MINDY4: variants seen among roughly 807,000 people sequenced by gnomAD.
MINDY4 encodes probable ubiquitin carboxyl-terminal hydrolase MINDY-4.
Under a neutral mutation model 87.0 loss-of-function variants are expected in MINDY4, and 68 were observed. The observed-to-expected ratio is 0.78, with a 90% CI of 0.64 to 0.96. The LOEUF (loss-of-function observed/expected upper bound fraction) is 0.96. Ranked by LOEUF, MINDY4 falls within the 40% of genes least tolerant of loss-of-function variation. The probability of loss-of-function intolerance (pLI) is 0.00; values close to 1 mark genes in which losing one functional copy is unlikely to be tolerated. For synonymous variants in MINDY4, 379 were observed against 363.2 expected, an observed-to-expected ratio of 1.04 and a Z score of -0.50; for missense variants, 919 against 928.2, an observed-to-expected ratio of 0.99 and a Z score of 0.13.
intron 5 of MINDY4, among the ~76,000 whole-genome samples, chr7:30,826,755 T>C (rs1788527589): frequency 6.6e-6 from 1 of 152,228 alleles, no homozygotes; most frequent in South Asian, 2.1e-4. Context: ...GGAAAATTAC[T>C]AAACATCTTT....
chr7:30,860,056 T>C (rs929669674), intron 13 of MINDY4, among the ~76,000 whole-genome samples: 4 of 152,160 alleles, frequency 2.6e-5, no homozygotes, highest in African/African-American at 9.7e-5. Context: ...AATTGCCCCA[T>C]TCACTTTCAA....
chr7:30,791,619 C>T lies in MINDY4; in HGVS notation c.1073+45C>T, dbSNP rs1787326432. On this transcript the variant is annotated intron_variant, in intron 5 of 17. Coordinates refer to ENST00000265299, the MANE Select transcript of MINDY4 (RefSeq NM_032222.3). ...GTGACGGCTTTTCAAAAAGAAGCTC[C>T]ACCTCTCACATGTTGTCTAGTCCCT... is the stretch of plus-strand genomic sequence containing the variant. 2.6e-6 allele frequency: 4 copies of T among 1,548,898 alleles called. No individual in the cohort carries two copies. The East Asian group carries it at 9.0e-5, about 35-fold the overall frequency.
rs189471175 is a variant in MINDY4, at chr7:30,885,443, C to T, written c.2225+2450C>T. On this transcript the variant is annotated intron_variant, in intron 17 of 17. Coordinates refer to ENST00000265299, the MANE Select transcript of MINDY4 (RefSeq NM_032222.3). ...AGGAGAATCGCTTGAACCTGGGAGG[C>T]GAAGATTGCAGTGAGCTGAGATCAT... 2.4e-3 allele frequency among the ~76,000 whole-genome samples: 360 copies of T among 152,134 alleles called. 1 individual carries two copies. The highest frequency in any genetic ancestry group is 7.7e-3 in the African/African-American group (320 of 41,524).
chr7:30,823,882 A>G (rs1788416983), intron 5 of MINDY4, among the ~76,000 whole-genome samples: 1 of 152,240 alleles, frequency 6.6e-6, no homozygotes, highest in Non-Finnish European at 1.5e-5. Context: ...ACTGGTTTGT[A>G]GGAATGCTCT....
rs189970445 is a variant in MINDY4, at chr7:30,833,274, C to T, written c.1133-3384C>T. ...GTTTAATAGAGAACTCACAGTTCCA[C>T]GTTGCTGGGGAAGCCTCACAATCAT... On this transcript the variant is annotated intron_variant, in intron 6 of 17. Transcript: ENST00000265299. Among the ~76,000 whole-genome samples the T allele has an allele frequency of 3.0e-4, 46 of 152,336 alleles. No individual in the cohort carries two copies. The East Asian group carries it at 3.7e-3, about 12-fold the overall frequency.
intron 3 of MINDY4, among the ~76,000 whole-genome samples, chr7:30,782,567 G>A (rs1242939459): frequency 6.6e-6 from 1 of 152,052 alleles, no homozygotes; most frequent in Non-Finnish European, 1.5e-5. Context: ...GCTAGAGGTG[G>A]CAGTGTGCAC....
intron 5 of MINDY4, among the ~76,000 whole-genome samples, chr7:30,792,024 C>T (rs1787340210): frequency 6.6e-6 from 1 of 152,206 alleles, no homozygotes. Context: ...AACATACCTG[C>T]AGCAACATGG....
chr7:30,891,435 G>C (rs184008636), intron 17 of MINDY4, among the ~76,000 whole-genome samples: 49 of 152,256 alleles, frequency 3.2e-4, no homozygotes, highest in African/African-American at 1.1e-3. Context: ...AAAAACTGTC[G>C]TGTTACTGCA....
chr7:30,857,305 C>T (rs1324473454), intron 12 of MINDY4, among the ~76,000 whole-genome samples: 2 of 152,128 alleles, frequency 1.3e-5, no homozygotes, highest in African/African-American at 2.4e-5. Flanking sequence ...ACTCCCTCCC[C>T]GAACTTGAAG....
chr7:30,888,001 C>T (rs1257199842), intron 17 of MINDY4, among the ~76,000 whole-genome samples: 3 of 152,208 alleles, frequency 2.0e-5, no homozygotes, highest in Non-Finnish European at 4.4e-5. Flanking sequence ...ATACAAGAGG[C>T]GTCCCTGGAT....
intron 5 of MINDY4, among the ~76,000 whole-genome samples, chr7:30,814,823 C>T (rs1019164211): frequency 6.6e-6 from 1 of 152,198 alleles, no homozygotes; most frequent in Non-Finnish European, 1.5e-5. Context: ...CCAAATCTTT[C>T]TTTTCAAATG....
intron 15 of MINDY4, among the ~76,000 whole-genome samples, 175 bp downstream of exon 15, chr7:30,875,831 C>A (rs1790241389): frequency 6.6e-6 from 1 of 152,148 alleles, no homozygotes; most frequent in Admixed American, 6.5e-5. Flanking sequence ...TGGCTACAGG[C>A]CTATAATTCA....
chr7:30,847,351 G>A (rs1440270488), intron 9 of MINDY4, among the ~76,000 whole-genome samples: 2 of 152,192 alleles, frequency 1.3e-5, no homozygotes, highest in Non-Finnish European at 2.9e-5. Flanking sequence ...CAAAGGGGCT[G>A]TAAGCAGAGC....
intron 7 of MINDY4, among the ~76,000 whole-genome samples, chr7:30,838,024 T>C (rs1788914085): frequency 6.6e-6 from 1 of 152,356 alleles, no homozygotes; most frequent in African/African-American, 2.4e-5. Context: ...AGGAAAGGTC[T>C]GACCCAGAGA....
chr7:30,869,503 A>T (rs956793400), intron 13 of MINDY4, among the ~76,000 whole-genome samples: 5 of 152,166 alleles, frequency 3.3e-5, no homozygotes, highest in African/African-American at 1.2e-4. Flanking sequence ...TCCAAGATCA[A>T]GGTGCCAGAG....
chr7:30,873,819 G>A (rs1364351470), intron 14 of MINDY4, among the ~76,000 whole-genome samples: 1 of 152,196 alleles, frequency 6.6e-6, no homozygotes, highest in African/African-American at 2.4e-5. Flanking sequence ...GAAAAAGGCT[G>A]TGCCTTTCTC....
In MINDY4 at chr7:30,778,357, C is replaced by T. The variant is rs1232994932; in HGVS notation, c.64-75C>T. On this transcript the variant is annotated intron_variant, in intron 1 of 17. Transcript: ENST00000265299. ...AATTATCTTGGTGAACATCAGGAAT[C>T]GTTTGCTTGTGCTTTATGAGAACAG... The T allele has an allele frequency of 2.0e-5, 31 of 1,583,434 alleles. No homozygotes were observed. The South Asian group carries it at 2.0e-4, about 10-fold the overall frequency.
rs140053367 is a variant in MINDY4, at chr7:30,867,332, G to C, written c.1746-4911G>C. Among the ~76,000 whole-genome samples, 903 of 152,310 alleles carry C rather than the reference G, an allele frequency of 5.9e-3. 8 individuals carry two copies. Among genetic ancestry groups the C allele is most frequent in the African/African-American group, 0.021 (877 of 41,554 alleles). ...CGTGATATGAGTGGTTGAGATGGCA[G>C]GAATCATGACCTCTTGGTTATTGTT... On this transcript the variant is annotated intron_variant, in intron 13 of 17. Transcript: ENST00000265299.
rs551795375 is a variant in MINDY4, at chr7:30,798,702, G to A, written c.1073+7128G>A. 1.6e-4 allele frequency among the ~76,000 whole-genome samples: 24 copies of A among 152,286 alleles called. No homozygotes were observed. The South Asian group carries it at 3.5e-3, about 22-fold the overall frequency. ...TTTAGTAGAGACGGGGTTTCACCAT[G>A]TCAGCCAGGATGGTCTCAATCTCTT... On this transcript the variant is annotated intron_variant, in intron 5 of 17. Coordinates refer to ENST00000265299, the MANE Select transcript of MINDY4 (RefSeq NM_032222.3).
Sources: allele counts gnomAD v4.1 joint callset (sites outside exome capture counted in the v4.1 genomes callset), GRCh38; gene constraint gnomAD v4.1.1; transcripts MANE v1.5; gene names NCBI Gene and HGNC (gene_info 2026-07-23, HGNC 2026-07-21).